SMYD3: variants seen among roughly 807,000 people sequenced by gnomAD.
SMYD3 encodes histone-lysine N-methyltransferase SMYD3.
Under a neutral mutation model 57.7 loss-of-function variants are expected in SMYD3, and 36 were observed. That is an observed-to-expected ratio of 0.62 (90% CI 0.48 to 0.82). The LOEUF is 0.82. SMYD3 is among the 40% of genes least tolerant of loss of function. SMYD3 has a pLI of 0.00. For synonymous variants in SMYD3, 211 were observed against 195.0 expected, an observed-to-expected ratio of 1.08 and a Z score of -0.68; for missense variants, 515 against 538.8, an observed-to-expected ratio of 0.96 and a Z score of 0.44.
chr1:246,498,302 G>C (rs2068396111), intron 1 of SMYD3, among the ~76,000 whole-genome samples: 1 of 152,194 alleles, frequency 6.6e-6, no homozygotes, highest in Admixed American at 6.5e-5. Context: ...TAGGAAATTA[G>C]AAAGTACAGT....
At chr1:246,395,501 A>G (rs2066644291) in intron 1 of SMYD3, among the ~76,000 whole-genome samples, 1 of 152,238 alleles carries the variant, frequency 6.6e-6, no homozygotes, top group African/African-American at 2.4e-5. Flanking sequence ...TAGACAAGGC[A>G]AAACCACTGG....
chr1:246,006,797 C>T (rs949057477), intron 5 of SMYD3, among the ~76,000 whole-genome samples: 2 of 152,114 alleles, frequency 1.3e-5, no homozygotes, highest in Admixed American at 6.5e-5. Context: ...ATTAACTGTG[C>T]TTAACGTAAT....
chr1:246,234,625 T>TATACCATGTAGGGGAGAAGCACTCC (rs1558336810), intron 5 of SMYD3, among the ~76,000 whole-genome samples: 2 of 88,462 alleles, frequency 2.3e-5, no homozygotes, highest in East Asian at 1.7e-3. Flanking sequence ...GTGATGGCTA[T>TATACCATGTAGGGGAGAAGCACTCC]TGGCCTATCC....
intron 10 of SMYD3, among the ~76,000 whole-genome samples, chr1:245,798,812 C>T (rs574237713): frequency 6.6e-6 from 1 of 152,156 alleles, no homozygotes; most frequent in African/African-American, 2.4e-5. Flanking sequence ...TACCTATTTT[C>T]TTCTTCCTCC....
chr1:246,393,674 T>TAA (rs796510890), intron 1 of SMYD3, among the ~76,000 whole-genome samples: 1,370 of 92,346 alleles, frequency 0.015, 26 homozygotes, highest in African/African-American at 0.032. Context: ...CCCCCATCTC[T>TAA]AAAAAAAAAA....
At chr1:246,235,272 T>C (rs1423767100) in intron 5 of SMYD3, among the ~76,000 whole-genome samples, 1 of 152,208 alleles carries the variant, frequency 6.6e-6, no homozygotes. Flanking sequence ...AACCTCCCTA[T>C]ATTTAGTCAT....
chr1:246,343,835 T>C (rs1158828579), intron 2 of SMYD3, among the ~76,000 whole-genome samples: 1 of 152,148 alleles, frequency 6.6e-6, no homozygotes, highest in Non-Finnish European at 1.5e-5. Context: ...ATTCTTTGAG[T>C]GGCTTAAAAA....
intron 11 of SMYD3, among the ~76,000 whole-genome samples, chr1:245,762,382 T>G (rs925552261): frequency 6.6e-6 from 1 of 152,186 alleles, no homozygotes; most frequent in Non-Finnish European, 1.5e-5. Flanking sequence ...TACTTGCAGG[T>G]GACCCTGTGT....
chr1:246,412,835 G>A (rs2066998722), intron 1 of SMYD3, among the ~76,000 whole-genome samples: 1 of 131,278 alleles, frequency 7.6e-6, no homozygotes, highest in Non-Finnish European at 1.5e-5. Flanking sequence ...TCCAGCCTCA[G>A]CAACAAGAGT....
intron 1 of SMYD3, among the ~76,000 whole-genome samples, chr1:246,437,756 G>C (rs2067401815): frequency 6.6e-6 from 1 of 152,078 alleles, no homozygotes; most frequent in South Asian, 2.1e-4. Context: ...TTTGACTGTT[G>C]ATCACTGTCA....
At chr1:246,191,789 G>A (rs56226195) in intron 5 of SMYD3, among the ~76,000 whole-genome samples, 2,459 of 152,198 alleles carry the variant, frequency 0.016, 160 homozygotes, top group Admixed American at 0.12. Flanking sequence ...CTGGATTCTC[G>A]AAGAATCAAA....
chr1:246,083,145 T>G (rs2788020), intron 5 of SMYD3, among the ~76,000 whole-genome samples: 29,973 of 149,214 alleles, frequency 0.2, 3,451 homozygotes, highest in East Asian at 0.41. Context: ...GAGGAAGGAA[T>G]GCCTCTTTGC....
intron 5 of SMYD3, among the ~76,000 whole-genome samples, chr1:245,947,114 A>C (rs1159675179): frequency 6.6e-6 from 1 of 152,212 alleles, no homozygotes; most frequent in East Asian, 1.9e-4. Context: ...ACTGAAGACC[A>C]GCTGGGAAGC....
At chr1:246,053,401 G>C (rs1157230700) in intron 5 of SMYD3, among the ~76,000 whole-genome samples, 2 of 151,984 alleles carry the variant, frequency 1.3e-5, no homozygotes, top group Non-Finnish European at 2.9e-5. Context: ...AAAAAAGTTA[G>C]AGGGCATACA....
At chr1:246,087,823 G>A (rs933915437) in intron 5 of SMYD3, among the ~76,000 whole-genome samples, 6 of 152,004 alleles carry the variant, frequency 3.9e-5, no homozygotes, top group Non-Finnish European at 7.4e-5. Context: ...AGACTTACGC[G>A]GACTGAAACC....
intron 10 of SMYD3, among the ~76,000 whole-genome samples, chr1:245,835,746 G>A (rs922307418): frequency 3.9e-5 from 6 of 152,104 alleles, no homozygotes; most frequent in African/African-American, 1.4e-4. Flanking sequence ...CACACTCTCT[G>A]GACTGTATGG....
At chr1:246,227,270 G>C (rs566247023) in intron 5 of SMYD3, among the ~76,000 whole-genome samples, 5 of 152,118 alleles carry the variant, frequency 3.3e-5, no homozygotes, top group Non-Finnish European at 7.4e-5. Flanking sequence ...TGTTCTGCCC[G>C]TTTATGCTTT....
chr1:246,091,325 GC>G (rs1224465922), intron 5 of SMYD3, among the ~76,000 whole-genome samples: 2 of 152,138 alleles, frequency 1.3e-5, no homozygotes, highest in Admixed American at 6.5e-5. Context: ...ACTGACCCCA[GC>G]CTCCACCGCT....
intron 1 of SMYD3, among the ~76,000 whole-genome samples, chr1:246,363,268 A>ACCC: frequency 6.7e-6 from 1 of 148,726 alleles, no homozygotes; most frequent in Middle Eastern, 3.5e-3. Flanking sequence ...AGCCCCCGCC[A>ACCC]GGCCAGCCGC....
Sources: allele counts gnomAD v4.1 joint callset (sites outside exome capture counted in the v4.1 genomes callset), GRCh38; gene constraint gnomAD v4.1.1; transcripts MANE v1.5; gene names NCBI Gene and HGNC (gene_info 2026-07-23, HGNC 2026-07-21).